Variants in SIPA1L1 observed in about 807,000 individuals in gnomAD.
The protein encoded by SIPA1L1 is signal-induced proliferation-associated 1-like protein 1.
A neutral mutation model predicts 162.7 loss-of-function variants in SIPA1L1; 26 were observed. The ratio of observed to expected loss-of-function variants is 0.16; its 90% confidence interval spans 0.12 to 0.22. The LOEUF (loss-of-function observed/expected upper bound fraction) is 0.22, where lower values mean the gene tolerates loss of function less well. Ranked by LOEUF, SIPA1L1 falls within the 10% of genes least tolerant of loss-of-function variation. The pLI, the probability that SIPA1L1 is intolerant of heterozygous loss-of-function variation, is 1.00. For missense variants in SIPA1L1, 1,874 were observed against 2,241.0 expected, an observed-to-expected ratio of 0.84 and a Z score of 3.31; for synonymous variants, 829 against 837.4, an observed-to-expected ratio of 0.99 and a Z score of 0.17.
At chr14:71,502,255 AATATATAT>A (rs60241101) in intron 2 of SIPA1L1, among the ~76,000 whole-genome samples, 1 of 97,558 alleles carries the variant, frequency 1.0e-5, no homozygotes, top group South Asian at 3.6e-4. Flanking sequence ...AAAAAAAAAA[AATATATAT>A]ATATATATAT....
chr14:71,468,501 C>T (rs901938041), intron 2 of SIPA1L1, among the ~76,000 whole-genome samples: 1 of 151,964 alleles, frequency 6.6e-6, no homozygotes, highest in East Asian at 1.9e-4. Flanking sequence ...GGGGTGGGTG[C>T]CACACACTTG....
At chr14:71,471,865 G>A (rs1262543596) in intron 2 of SIPA1L1, among the ~76,000 whole-genome samples, 1 of 152,158 alleles carries the variant, frequency 6.6e-6, no homozygotes, top group Non-Finnish European at 1.5e-5. Flanking sequence ...GGTGAGGTCA[G>A]CTAATTATTG....
At chr14:71,484,039 G>A (rs2048553220) in intron 2 of SIPA1L1, among the ~76,000 whole-genome samples, 1 of 152,148 alleles carries the variant, frequency 6.6e-6, no homozygotes, top group Admixed American at 6.6e-5. Context: ...AAAGCAGGGG[G>A]CTCTGTCCTC....
chr14:71,552,658 A>C (rs1187232666), intron 4 of SIPA1L1, among the ~76,000 whole-genome samples: 3 of 151,828 alleles, frequency 2.0e-5, no homozygotes, highest in Non-Finnish European at 4.4e-5. Flanking sequence ...GGCCTCCCAG[A>C]GTGCTGGGAT....
At chr14:71,507,319 G>A (rs1235946327) in intron 2 of SIPA1L1, among the ~76,000 whole-genome samples, 5 of 152,042 alleles carry the variant, frequency 3.3e-5, no homozygotes, top group African/African-American at 1.2e-4. Context: ...ATTTGAAAGT[G>A]TTTTTAACAT....
At chr14:71,498,721 T>C (rs773428741) in intron 2 of SIPA1L1, among the ~76,000 whole-genome samples, 5 of 152,212 alleles carry the variant, frequency 3.3e-5, no homozygotes, top group Non-Finnish European at 7.3e-5. Context: ...TTTTTCTTTA[T>C]GTAATTTGCC....
chr14:71,682,197 T>G (rs2045872385), intron 12 of SIPA1L1, among the ~76,000 whole-genome samples: 2 of 152,324 alleles, frequency 1.3e-5, no homozygotes, highest in Middle Eastern at 3.4e-3. Flanking sequence ...ATCCACTTCA[T>G]AGAGTTGCTG....
intron 4 of SIPA1L1, among the ~76,000 whole-genome samples, chr14:71,563,320 T>C (rs1346000297): frequency 6.6e-6 from 1 of 152,154 alleles, no homozygotes; most frequent in Non-Finnish European, 1.5e-5. Flanking sequence ...TTTTTTTTTT[T>C]TAACACGATT....
At chr14:71,480,795 G>T (rs2048299122) in intron 2 of SIPA1L1, among the ~76,000 whole-genome samples, 2 of 151,928 alleles carry the variant, frequency 1.3e-5, no homozygotes, top group African/African-American at 4.8e-5. Flanking sequence ...AAAAACAAAG[G>T]TCATTTTATC....
chr14:71,371,946 T>G (rs1048245390), intron 2 of SIPA1L1, among the ~76,000 whole-genome samples: 4 of 152,174 alleles, frequency 2.6e-5, no homozygotes, highest in Non-Finnish European at 5.9e-5. Flanking sequence ...AACCCTTACT[T>G]GATCTCCTTA....
At chr14:71,360,125 A>G (rs889890150) in intron 2 of SIPA1L1, among the ~76,000 whole-genome samples, 7 of 152,224 alleles carry the variant, frequency 4.6e-5, no homozygotes, top group Non-Finnish European at 8.8e-5. Context: ...TAAACTTTTT[A>G]CAAAATGCTA....
rs1000988984 is a variant in SIPA1L1 at position 71,741,188 on chromosome 14, A to T, written c.*2027A>T. On this transcript the variant is annotated 3_prime_UTR_variant, in exon 24 of 24. Coordinates refer to ENST00000381232, the MANE Select transcript of SIPA1L1 (RefSeq NM_001386936.1). ...AATTTCTGTCCTTCTCAGAATGTTA[A>T]TAAACTTTTTTACTCTGTCCACATG... The T allele has an allele frequency of 6.6e-6, 1 of 152,212 alleles. No homozygotes were observed. Among genetic ancestry groups the T allele is most frequent in the Non-Finnish European group, 1.5e-5 (1 of 68,026 alleles). The allele number at this position is 152,212 out of a possible 1,614,324, so 9.4% of individuals were successfully genotyped here. A position where few individuals can be genotyped will look rare whatever the true frequency, so the allele number is the denominator to read the frequency against.
At chr14:71,684,283 G>A (rs1283283562) in intron 12 of SIPA1L1, among the ~76,000 whole-genome samples, 1 of 152,238 alleles carries the variant, frequency 6.6e-6, no homozygotes, top group East Asian at 1.9e-4. Flanking sequence ...AATGTAAGGA[G>A]TCAACACTGA....
At chr14:71,496,072 GA>G (rs61282539) in intron 2 of SIPA1L1, among the ~76,000 whole-genome samples, 47,342 of 129,538 alleles carry the variant, frequency 0.37, 8,019 homozygotes, top group East Asian at 0.7. Context: ...TAAAAAAAAA[GA>G]AAAAAAAAAA....
At chr14:71,722,785 G>C (rs1477563179) in intron 17 of SIPA1L1, among the ~76,000 whole-genome samples, 1 of 152,146 alleles carries the variant, frequency 6.6e-6, no homozygotes, top group Non-Finnish European at 1.5e-5. Flanking sequence ...ACCTAGGCTG[G>C]AGTGCAGTGG....
rs1372330839 is a variant in SIPA1L1 at position 71,685,354 on chromosome 14, C to T, written c.3105-8C>T. 2 of 1,613,654 alleles carry T rather than the reference C, an allele frequency of 1.2e-6. No homozygotes were observed. The highest frequency in any genetic ancestry group is 1.7e-6 in the Non-Finnish European group (2 of 1,179,690). On this transcript the variant is annotated splice_region_variant and splice_polypyrimidine_tract_variant and intron_variant, in intron 12 of 23. Coordinates refer to ENST00000381232, the MANE Select transcript of SIPA1L1 (RefSeq NM_001386936.1). ...ATTGTGTTTCTCCCTGTGCCTTGCC[C>T]CTAATAGGAGTTGCTCTGAAACCTA... is the stretch of plus-strand genomic sequence containing the variant.
At chr14:71,444,677 G>GGTGT (rs2045207270) in intron 2 of SIPA1L1, among the ~76,000 whole-genome samples, 1 of 152,124 alleles carries the variant, frequency 6.6e-6, no homozygotes, top group Non-Finnish European at 1.5e-5. Context: ...CCTGGAGAAT[G>GGTGT]GTGTCATGAG....
rs1285712079 is a variant in SIPA1L1 at position 71,408,146 on chromosome 14, A to AT, written c.-465+86973dup. ...TCTGATGTTTTGAGAAGACAATAATATTTTTTTTGCTTCTGTTATCTTTTT... is the reference window on the plus strand; with the variant it reads ...TCTGATGTTTTGAGAAGACAATAATATTTTTTTTTGCTTCTGTTATCTTTTT... On this transcript the variant is annotated intron_variant, in intron 2 of 23. Transcript: ENST00000381232. Among the ~76,000 whole-genome samples the AT allele has an allele frequency of 1.5e-4, 23 of 151,954 alleles. No individual in the cohort carries two copies. The South Asian group carries it at 2.5e-3, about 16-fold the overall frequency.
chr14:71,497,886 T>C (rs2049912760), intron 2 of SIPA1L1: 1 of 152,222 alleles, frequency 6.6e-6, no homozygotes, highest in African/African-American at 2.4e-5. Context: ...TTCTGAGTCA[T>C]AGGGTAAGTG....
Sources: allele counts gnomAD v4.1 joint callset (sites outside exome capture counted in the v4.1 genomes callset), GRCh38; gene constraint gnomAD v4.1.1; transcripts MANE v1.5; gene names NCBI Gene and HGNC (gene_info 2026-07-23, HGNC 2026-07-21).